The following TMEM234 variants were observed in gnomAD, a reference collection of about 807,000 sequenced individuals.
The protein encoded by TMEM234 is chromosome 1 open reading frame 91.
A neutral mutation model predicts 17.8 loss-of-function variants in TMEM234; 21 were observed. The ratio of observed to expected loss-of-function variants is 1.18; its 90% CI spans 0.84 to 1.70. TMEM234 has a LOEUF of 1.70. Ranked by LOEUF, TMEM234 falls within the 40% of genes most tolerant of loss-of-function variation. The pLI is 0.00. For synonymous variants in TMEM234, 83 were observed against 73.5 expected (o/e 1.13, Z -0.66); for missense variants, 137 against 166.9 (o/e 0.82, Z 0.99).
At position 32,222,020 on chromosome 1, in the gene TMEM234, T is replaced by C; in HGVS notation, c.17-2A>G. 1 of 1,608,970 alleles carries C rather than the reference T, an allele frequency of 6.2e-7. No homozygotes were observed. Among genetic ancestry groups the C allele is most frequent in the East Asian group, 2.2e-5 (1 of 44,848 alleles). On this transcript the variant is annotated splice_acceptor_variant, in intron 1 of 4. Transcript: ENST00000309777. LOFTEE classifies it high-confidence loss of function. ...CCAGCACCAGAGCCAACACCTGCCCTGAATGCAGACGAGTGAGTCACCCTG... is the reference window on the plus strand; with the variant it reads ...CCAGCACCAGAGCCAACACCTGCCCCGAATGCAGACGAGTGAGTCACCCTG...
chr1:32,215,405 C>T (rs1248465907), downstream of TMEM234: 34 of 1,563,016 alleles, frequency 2.2e-5, no homozygotes, highest in Non-Finnish European at 2.9e-5. Context: ...GGCTCTTCAG[C>T]CTGGGCATCA....
downstream of TMEM234, chr1:32,214,933 G>A: frequency 6.2e-7 from 1 of 1,613,928 alleles, no homozygotes; most frequent in Non-Finnish European, 8.5e-7. Context: ...TTCCCATCAG[G>A]TGAGGGGTCC....
chr1:32,221,515 G>C (rs1638906609), intron 2 of TMEM234, among the ~76,000 whole-genome samples: 1 of 152,062 alleles, frequency 6.6e-6, no homozygotes, highest in Admixed American at 6.6e-5. Context: ...CCCCTGCAGG[G>C]CCAATTTGAG....
In TMEM234 at chr1:32,216,760, G is replaced by C. The variant is rs746651216; in HGVS notation, c.*93C>G. 1.9e-6 allele frequency: 3 copies of C among 1,549,124 alleles called. No individual in the cohort carries two copies. Among genetic ancestry groups the C allele is most frequent in the Non-Finnish European group, 1.7e-6 (2 of 1,143,290 alleles). Reference sequence around the variant, plus strand: ...AAGAGAGGAGGAAGCTAAGGCCAGAGAGGGGAAGTGCTAGGTCCATCCGCT... The same window carrying C: ...AAGAGAGGAGGAAGCTAAGGCCAGACAGGGGAAGTGCTAGGTCCATCCGCT... On this transcript the variant is annotated 3_prime_UTR_variant, in exon 5 of 5. Transcript: ENST00000309777.
Position 32,216,745 on chromosome 1 carries a change from G to C in TMEM234, c.*108C>G, listed in dbSNP as rs1349830523. 4 of 1,525,754 alleles carry C rather than the reference G, an allele frequency of 2.6e-6. No individual in the cohort carries two copies. In the East Asian group the frequency reaches 9.6e-5, roughly 37 times the overall value. 94.5% of individuals were successfully genotyped at this position (1,525,754 alleles called of 1,614,324 possible). Reference sequence around the variant, plus strand: ...AGCTGTTATCCCCATAAGAGAGGAGGAAGCTAAGGCCAGAGAGGGGAAGTG... The same window carrying C: ...AGCTGTTATCCCCATAAGAGAGGAGCAAGCTAAGGCCAGAGAGGGGAAGTG... On this transcript the variant is annotated 3_prime_UTR_variant, in exon 5 of 5. Coordinates refer to ENST00000309777, the MANE Select transcript of TMEM234 (RefSeq NM_019118.5).
downstream of TMEM234, chr1:32,215,838 G>A (rs759995890): frequency 3.3e-5 from 51 of 1,553,024 alleles, no homozygotes; most frequent in Non-Finnish European, 4.4e-5. Flanking sequence ...CTTGTCCCTG[G>A]AAAACCAGCC....
rs760027012 is a variant in TMEM234 at position 32,221,945 on chromosome 1, G to A, written c.90C>T (p.Ala30=). The A allele has an allele frequency of 4.3e-6, 7 of 1,611,840 alleles. No homozygotes were observed. Among genetic ancestry groups the A allele is most frequent in the African/African-American group, 1.3e-5 (1 of 74,912 alleles). Residue 30 remains alanine (A), a synonymous_variant, in exon 2 of 5, where the codon GCC becomes GCT. Transcript: ENST00000309777. ...TCGGCTCATGAACCCGCTGCAGGCCGGCGGAGGCCCGCTTCAGCAGCGGCT... is the reference window on the plus strand; with the variant it reads ...TCGGCTCATGAACCCGCTGCAGGCCAGCGGAGGCCCGCTTCAGCAGCGGCT... ...GTQPLLKRAS[A]GLQRVHEPTW...
At chr1:32,218,749 C>G (rs894315987) in intron 3 of TMEM234, among the ~76,000 whole-genome samples, 3 of 152,066 alleles carry the variant, frequency 2.0e-5, no homozygotes, top group Admixed American at 2.0e-4. Context: ...ACCAGCCTGG[C>G]CAACATTGTG....
At chr1:32,221,695 G>A (rs370403179) in intron 2 of TMEM234, among the ~76,000 whole-genome samples, 172 bp downstream of exon 2, 30 of 152,310 alleles carry the variant, frequency 2.0e-4, no homozygotes, top group African/African-American at 7.0e-4. Context: ...CTATCAGATG[G>A]TTATTATTAT....
Position 32,216,576 on chromosome 1 carries a change from G to C in TMEM234, c.*277C>G. On this transcript the variant is annotated 3_prime_UTR_variant, in exon 5 of 5. Coordinates refer to ENST00000309777, the MANE Select transcript of TMEM234 (RefSeq NM_019118.5). ...AATGGTGGCTGGGCTGGGAGCCTGA[G>C]ATGTTAGCAGGAAGAGAGCTGCTGG... 1 of 1,544,838 alleles carries C rather than the reference G, an allele frequency of 6.5e-7. No individual in the cohort carries two copies. The highest frequency in any genetic ancestry group is 8.8e-7 in the Non-Finnish European group (1 of 1,141,470).
chr1:32,220,826 T>C (rs1385895419), intron 3 of TMEM234, among the ~76,000 whole-genome samples: 2 of 152,136 alleles, frequency 1.3e-5, no homozygotes, highest in Admixed American at 6.6e-5. Flanking sequence ...GTCAGGTAGG[T>C]AGCACACAGT....
chr1:32,215,053 GAAAA>G, downstream of TMEM234: 27 of 1,051,606 alleles, frequency 2.6e-5, no homozygotes, highest in Middle Eastern at 3.1e-4. Flanking sequence ...GCCGGCACTG[GAAAA>G]AAAAAAAAAA....
At chr1:32,221,760 G>C in intron 2 of TMEM234, 107 bp downstream of exon 2, 1 of 1,477,186 alleles carries the variant, frequency 6.8e-7, no homozygotes, top group Non-Finnish European at 9.2e-7. Context: ...ACTTTTCCGA[G>C]AATTTCTAGT....
chr1:32,217,580 G>A (rs765080323), intron 3 of TMEM234: 23 of 931,332 alleles, frequency 2.5e-5, no homozygotes, highest in South Asian at 1.3e-4. Context: ...GGACCAGCCT[G>A]GTTTGATAAT....
downstream of TMEM234, chr1:32,215,563 A>T (rs781755862): frequency 6.2e-7 from 1 of 1,609,240 alleles, no homozygotes; most frequent in South Asian, 1.1e-5. Context: ...TGGATCAGGA[A>T]ACAGTATGTT....
chr1:32,216,292 G>C lies in TMEM234; in HGVS notation c.*561C>G, dbSNP rs1377032714. On this transcript the variant is annotated 3_prime_UTR_variant, in exon 5 of 5. Transcript: ENST00000309777. ...CTCACAGCTCTCTACCTGTTTAAGA[G>C]GGGCTGGCAGTGAGGATTTCTGCCT... 1 of 1,497,854 alleles carries C rather than the reference G, an allele frequency of 6.7e-7. No individual in the cohort carries two copies. The highest frequency in any genetic ancestry group is 1.4e-5 in the African/African-American group (1 of 72,382). 92.8% of individuals were successfully genotyped at this position (1,497,854 alleles called of 1,614,324 possible). A position where few individuals can be genotyped will look rare whatever the true frequency, so the allele number is the denominator to read the frequency against.
At chr1:32,217,042 C>T (rs767286969) in intron 4 of TMEM234, 95 bp from the exon 5 acceptor site, 7 of 1,587,048 alleles carry the variant, frequency 4.4e-6, no homozygotes, top group Non-Finnish European at 6.0e-6. Flanking sequence ...GGGGTCTGGT[C>T]TTCAATCCCA....
downstream of TMEM234, chr1:32,214,794 T>C (rs1232538305): frequency 6.2e-7 from 1 of 1,613,782 alleles, no homozygotes; most frequent in African/African-American, 1.3e-5. Flanking sequence ...GTCCCTTCTC[T>C]AGGCCCAAGG....
Position 32,216,478 on chromosome 1 carries a change from G to A in TMEM234, c.*375C>T, listed in dbSNP as rs567424641. 3.4e-4 allele frequency: 534 copies of A among 1,551,620 alleles called. No homozygotes were observed. The highest frequency in any genetic ancestry group is 4.3e-4 in the Non-Finnish European group (493 of 1,147,006). ...CATTTCTGGCTCAAAGTCTGCAGCT[G>A]GCCCTTTCCATGCAGCTGGAGTTCT... On this transcript the variant is annotated 3_prime_UTR_variant, in exon 5 of 5. Coordinates refer to ENST00000309777, the MANE Select transcript of TMEM234 (RefSeq NM_019118.5).
Sources: allele counts gnomAD v4.1 joint callset (sites outside exome capture counted in the v4.1 genomes callset), GRCh38; gene constraint gnomAD v4.1.1; transcripts MANE v1.5; gene names NCBI Gene and HGNC (gene_info 2026-07-23, HGNC 2026-07-21).